PPM1L: variants seen among roughly 807,000 people sequenced by gnomAD.
PPM1L encodes the protein protein phosphatase, Mg2+/Mn2+ dependent 1L, also known as protein phosphatase 1L.
Under a neutral mutation model 31.4 loss-of-function variants are expected in PPM1L, and 13 were observed. The ratio of observed to expected loss-of-function variants is 0.41; its 90% CI spans 0.27 to 0.66. The LOEUF is 0.66. Ranked by LOEUF, PPM1L falls within the 30% of genes least tolerant of loss-of-function variation. The pLI is 0.29. For synonymous variants in PPM1L, 184 were observed against 175.4 expected (o/e 1.05, Z -0.39); for missense variants, 326 against 453.7 (o/e 0.72, Z 2.56).
At chr3:160,912,168 G>C (rs1713998279) in intron 1 of PPM1L, among the ~76,000 whole-genome samples, 1 of 152,076 alleles carries the variant, frequency 6.6e-6, no homozygotes, top group Admixed American at 6.6e-5. Context: ...ACATCATGTG[G>C]GGTATGTAAT....
In PPM1L at chr3:160,976,042, C is replaced by T. The variant is rs1246752786; in HGVS notation, c.574+14132C>T. On this transcript the variant is annotated intron_variant, in intron 2 of 3. Transcript: ENST00000498165. ...AGATAGCTCTTATTATTTTGAAATA[C>T]GTCCCATCAATACCTAATTTATTGA... Among the ~76,000 whole-genome samples, 20 of 130,364 alleles carry T rather than the reference C, an allele frequency of 1.5e-4. No homozygotes were observed. In the East Asian group the frequency reaches 3.4e-3, roughly 22 times the overall value. 85.5% of individuals were successfully genotyped at this position (130,364 alleles called of 152,430 possible).
intron 1 of PPM1L, among the ~76,000 whole-genome samples, chr3:160,876,426 T>C (rs1576684362): frequency 6.6e-6 from 1 of 152,196 alleles, no homozygotes; most frequent in East Asian, 1.9e-4. Flanking sequence ...TTGAATGAGA[T>C]CCTGATTACT....
At chr3:161,051,600 TGGAAACATAGCTTTAGA>T (rs1719283043) in intron 2 of PPM1L, among the ~76,000 whole-genome samples, 1 of 152,156 alleles carries the variant, frequency 6.6e-6, no homozygotes, top group Non-Finnish European at 1.5e-5. Context: ...ACAGCCTTCC[TGGAAACATAGCTTTAGA>T]GTCAGTTTTA....
chr3:160,854,068 G>A (rs1324047172), intron 1 of PPM1L, among the ~76,000 whole-genome samples: 1 of 152,138 alleles, frequency 6.6e-6, no homozygotes, highest in Non-Finnish European at 1.5e-5. Flanking sequence ...AGGTGTTCTT[G>A]GCATGCCAGG....
intron 2 of PPM1L, among the ~76,000 whole-genome samples, chr3:161,045,775 G>A (rs1427465015): frequency 6.6e-6 from 1 of 152,164 alleles, no homozygotes; most frequent in African/African-American, 2.4e-5. Context: ...TAAGATCAGA[G>A]TAGAACTGAA....
intron 2 of PPM1L, among the ~76,000 whole-genome samples, chr3:161,025,485 TC>T (rs1288725182): frequency 6.6e-6 from 1 of 151,652 alleles, no homozygotes; most frequent in Non-Finnish European, 1.5e-5. Flanking sequence ...GGCAGGATGA[TC>T]CTTTGAGTTA....
At chr3:160,774,779 G>C (rs560057928) in intron 1 of PPM1L, among the ~76,000 whole-genome samples, 9 of 152,254 alleles carry the variant, frequency 5.9e-5, no homozygotes, top group Non-Finnish European at 1.2e-4. Context: ...AATGTTGCTT[G>C]GTCATGTCAG....
intron 2 of PPM1L, among the ~76,000 whole-genome samples, chr3:161,013,748 T>C (rs1173035550): frequency 5.3e-5 from 8 of 152,248 alleles, no homozygotes; most frequent in Admixed American, 2.0e-4. Context: ...TTCGGTCTTC[T>C]TGTTGAATTG....
At chr3:160,802,847 T>G (rs955390962) in intron 1 of PPM1L, among the ~76,000 whole-genome samples, 1 of 152,122 alleles carries the variant, frequency 6.6e-6, no homozygotes, top group Non-Finnish European at 1.5e-5. Context: ...AGTGTTTTGG[T>G]GAAAAAACCA....
chr3:161,043,859 G>A (rs929128635), intron 2 of PPM1L, among the ~76,000 whole-genome samples: 5 of 152,026 alleles, frequency 3.3e-5, no homozygotes, highest in African/African-American at 7.2e-5. Flanking sequence ...GTGGTGTTTC[G>A]AAAGTGATCA....
At chr3:160,774,989 T>A (rs1445413043) in intron 1 of PPM1L, among the ~76,000 whole-genome samples, 1 of 152,252 alleles carries the variant, frequency 6.6e-6, no homozygotes, top group Non-Finnish European at 1.5e-5. Context: ...TACCAAGCTG[T>A]CTGATTGCAT....
intron 1 of PPM1L, among the ~76,000 whole-genome samples, chr3:160,849,683 C>T (rs535258498): frequency 2.6e-5 from 4 of 152,104 alleles, no homozygotes; most frequent in East Asian, 1.9e-4. Context: ...CTCAGCCTCC[C>T]GAGTATCTGG....
chr3:161,011,862 G>C (rs1162675206), intron 2 of PPM1L, among the ~76,000 whole-genome samples: 1 of 152,122 alleles, frequency 6.6e-6, no homozygotes, highest in East Asian at 1.9e-4. Context: ...TTTGCACATT[G>C]ATTTTGTATC....
At chr3:160,794,514 T>C (rs1416128052) in intron 1 of PPM1L, among the ~76,000 whole-genome samples, 1 of 152,244 alleles carries the variant, frequency 6.6e-6, no homozygotes, top group African/African-American at 2.4e-5. Context: ...TTGATTTGCA[T>C]ATTTTTATTA....
chr3:161,022,593 GT>G (rs1467502394), intron 2 of PPM1L: 1 of 142,870 alleles, frequency 7.0e-6, no homozygotes, highest in African/African-American at 2.6e-5. Context: ...TCCTTTTTTT[GT>G]TCAGGGCTTC....
intron 2 of PPM1L, among the ~76,000 whole-genome samples, chr3:161,004,165 C>T (rs1423201371): frequency 2.1e-4 from 31 of 146,192 alleles, no homozygotes; most frequent in East Asian, 4.0e-4. Flanking sequence ...TATATTGAAC[C>T]AGCCTTGCAT....
intron 1 of PPM1L, among the ~76,000 whole-genome samples, chr3:160,795,486 C>T (rs1366938860): frequency 1.3e-5 from 2 of 152,082 alleles, no homozygotes; most frequent in Non-Finnish European, 2.9e-5. Context: ...GGGTGAGAAC[C>T]GCTGCCCTAG....
chr3:161,006,917 C>T (rs1442422270), intron 2 of PPM1L, among the ~76,000 whole-genome samples: 2 of 152,094 alleles, frequency 1.3e-5, no homozygotes, highest in Non-Finnish European at 2.9e-5. Flanking sequence ...CTCCTGACCT[C>T]GTGATCCACC....
rs1253261183 is a variant in PPM1L at position 160,882,881 on chromosome 3, T to C, written c.400-78855T>C. Among the ~76,000 whole-genome samples, 3 of 152,238 alleles carry C rather than the reference T, an allele frequency of 2.0e-5. No individual in the cohort carries two copies. The East Asian group carries it at 5.8e-4, about 29-fold the overall frequency. Reference sequence around the variant, plus strand: ...AGAGACAGTCTTGTTCTTATCTGTTTCATTCATCAAAACTTTTTGGGTTTT... The same window carrying C: ...AGAGACAGTCTTGTTCTTATCTGTTCCATTCATCAAAACTTTTTGGGTTTT... On this transcript the variant is annotated intron_variant, in intron 1 of 3. Coordinates refer to ENST00000498165, the MANE Select transcript of PPM1L (RefSeq NM_139245.4).
Sources: allele counts gnomAD v4.1 joint callset (sites outside exome capture counted in the v4.1 genomes callset), GRCh38; gene constraint gnomAD v4.1.1; transcripts MANE v1.5; gene names NCBI Gene and HGNC (gene_info 2026-07-23, HGNC 2026-07-21).